Variants in GPR39 observed in about 807,000 individuals in gnomAD.
The protein encoded by GPR39 is G protein-coupled receptor 39.
A neutral mutation model predicts 18.4 loss-of-function variants in GPR39; 23 were observed. That is an observed-to-expected ratio of 1.25 (90% CI 0.90 to 1.77). The LOEUF (loss-of-function observed/expected upper bound fraction) is 1.77, where lower values mean the gene tolerates loss of function less well. GPR39 is among the 40% of genes most tolerant of loss of function. GPR39 has a pLI of 0.00. For missense variants in GPR39, 647 were observed against 602.4 expected, an observed-to-expected ratio of 1.07 and a Z score of -0.78; for synonymous variants, 280 against 257.9, an observed-to-expected ratio of 1.09 and a Z score of -0.82.
chr2:132,514,107 C>T (rs1209889626), intron 1 of GPR39, among the ~76,000 whole-genome samples: 4 of 152,108 alleles, frequency 2.6e-5, no homozygotes, highest in Non-Finnish European at 5.9e-5. Context: ...GGCCTGCTCT[C>T]CCACTTTTCC....
chr2:132,478,439 A>G (rs965717835), intron 1 of GPR39, among the ~76,000 whole-genome samples: 1 of 152,248 alleles, frequency 6.6e-6, no homozygotes, highest in African/African-American at 2.4e-5. Flanking sequence ...CATAGGTTGC[A>G]CACAAGTAAT....
At chr2:132,616,295 C>A (rs1446257609) in intron 1 of GPR39, among the ~76,000 whole-genome samples, 2 of 152,084 alleles carry the variant, frequency 1.3e-5, no homozygotes, top group Non-Finnish European at 2.9e-5. Flanking sequence ...GAGGCAGAGC[C>A]AGGATTCGAC....
At chr2:132,634,336 C>T (rs1225729443) in intron 1 of GPR39, among the ~76,000 whole-genome samples, 1 of 152,054 alleles carries the variant, frequency 6.6e-6, no homozygotes, top group Non-Finnish European at 1.5e-5. Context: ...GATCAGAAGC[C>T]CGAGGAGCCT....
chr2:132,537,523 G>A (rs540064198), intron 1 of GPR39, among the ~76,000 whole-genome samples: 6 of 140,846 alleles, frequency 4.3e-5, no homozygotes, highest in Admixed American at 2.9e-4. Context: ...TTTTCATTTC[G>A]ACCTTGGAGA....
intron 1 of GPR39, among the ~76,000 whole-genome samples, chr2:132,597,614 T>C (rs1432070346): frequency 1.3e-5 from 2 of 152,218 alleles, no homozygotes; most frequent in Non-Finnish European, 2.9e-5. Flanking sequence ...CTGCAGTTTT[T>C]ACCAGGCTTA....
At chr2:132,488,478 T>C (rs1262283849) in intron 1 of GPR39, 3 of 153,662 alleles carry the variant, frequency 2.0e-5, no homozygotes, top group South Asian at 2.1e-4. Context: ...TCATTTCTTA[T>C]TGCTGGAATT....
chr2:132,556,853 T>C (rs990515013), intron 1 of GPR39, among the ~76,000 whole-genome samples: 2 of 152,178 alleles, frequency 1.3e-5, no homozygotes, highest in Admixed American at 1.3e-4. Flanking sequence ...ACACCAAGGC[T>C]CCTTTCCTTA....
chr2:132,464,583 A>G (rs753488145), intron 1 of GPR39, among the ~76,000 whole-genome samples: 1 of 152,188 alleles, frequency 6.6e-6, no homozygotes, highest in Non-Finnish European at 1.5e-5. Context: ...CAGGGCAGAA[A>G]CATCTCACTC....
intron 1 of GPR39, among the ~76,000 whole-genome samples, chr2:132,567,497 G>A (rs867626380): frequency 1.3e-5 from 2 of 152,284 alleles, no homozygotes; most frequent in South Asian, 2.1e-4. Context: ...CTCTCTGTGC[G>A]ATGCCCTGCA....
chr2:132,477,951 T>C (rs983082863), intron 1 of GPR39, among the ~76,000 whole-genome samples: 3 of 152,260 alleles, frequency 2.0e-5, no homozygotes, highest in Non-Finnish European at 4.4e-5. Context: ...GAGTTAATCC[T>C]AGAAATTTAC....
intron 1 of GPR39, among the ~76,000 whole-genome samples, chr2:132,587,919 T>C (rs1680760787): frequency 6.6e-6 from 1 of 152,182 alleles, no homozygotes; most frequent in Non-Finnish European, 1.5e-5. Flanking sequence ...GGGCAGTCTA[T>C]TATGAACATG....
intron 1 of GPR39, among the ~76,000 whole-genome samples, chr2:132,571,733 A>G (rs1031480086): frequency 6.6e-6 from 1 of 152,180 alleles, no homozygotes; most frequent in Admixed American, 6.5e-5. Context: ...CAACAAGATC[A>G]TGGGCCTGGC....
intron 1 of GPR39, among the ~76,000 whole-genome samples, chr2:132,456,375 T>TGCA (rs1465456226): frequency 6.6e-6 from 1 of 152,068 alleles, no homozygotes; most frequent in African/African-American, 2.4e-5. Flanking sequence ...TGTGCATCTT[T>TGCA]GCACATGAGA....
intron 1 of GPR39, among the ~76,000 whole-genome samples, chr2:132,638,221 T>C (rs1573712385): frequency 6.6e-6 from 1 of 151,624 alleles, no homozygotes; most frequent in Non-Finnish European, 1.5e-5. Context: ...TGTCTAGGAG[T>C]GGAACCAGAG....
rs753801511 is a variant in GPR39 at position 132,535,695 on chromosome 2, C to CTTTTTTTT, written c.857-109402_857-109395dup. Reference sequence around the variant, plus strand: ...GGCTGTGAATCCATCTGGTCCTGGGCTTTTTTTTTTTGGTTGGTAGGCTAT... The same window carrying CTTTTTTTT: ...GGCTGTGAATCCATCTGGTCCTGGGCTTTTTTTTTTTTTTTTTTTGGTTGGTAGGCTAT... On this transcript the variant is annotated intron_variant, in intron 1 of 1. Transcript: ENST00000329321. 5.2e-5 allele frequency among the ~76,000 whole-genome samples: 5 copies of CTTTTTTTT among 96,538 alleles called. 1 individual carries two copies. Among genetic ancestry groups the CTTTTTTTT allele is most frequent in the Non-Finnish European group, 8.2e-5 (4 of 48,994 alleles). The allele number at this position is 96,538 out of a possible 152,430, so 63.3% of individuals were successfully genotyped here.
At chr2:132,435,238 G>A (rs993690922) in intron 1 of GPR39, among the ~76,000 whole-genome samples, 5 of 151,860 alleles carry the variant, frequency 3.3e-5, no homozygotes, top group Admixed American at 6.6e-5. Context: ...CCTGCTCCCC[G>A]CACACCTCCT....
At chr2:132,428,560 C>T (rs1484524542) in intron 1 of GPR39, among the ~76,000 whole-genome samples, 5 of 152,160 alleles carry the variant, frequency 3.3e-5, no homozygotes, top group African/African-American at 7.2e-5. Context: ...TCCAGGGACC[C>T]GCAGCATCAG....
At chr2:132,619,708 A>G (rs1228768218) in intron 1 of GPR39, among the ~76,000 whole-genome samples, 1 of 152,090 alleles carries the variant, frequency 6.6e-6, no homozygotes, top group Admixed American at 6.6e-5. Flanking sequence ...CTTTCCTTGC[A>G]CTGGCCTGGG....
At chr2:132,500,728 A>G (rs561851440) in intron 1 of GPR39, among the ~76,000 whole-genome samples, 17 of 151,994 alleles carry the variant, frequency 1.1e-4, no homozygotes, top group African/African-American at 3.9e-4. Flanking sequence ...TTTGTTGGCA[A>G]TTTTTTAATA....
Sources: allele counts gnomAD v4.1 joint callset (sites outside exome capture counted in the v4.1 genomes callset), GRCh38; gene constraint gnomAD v4.1.1; transcripts MANE v1.5; gene names NCBI Gene and HGNC (gene_info 2026-07-23, HGNC 2026-07-21).